The following STUM variants were observed in gnomAD, a reference collection of about 807,000 sequenced individuals.
STUM encodes the protein protein stum homolog.
A neutral mutation model predicts 15.3 loss-of-function variants in STUM; 8 were observed. That is an observed-to-expected ratio of 0.52 (90% CI 0.31 to 0.94). The LOEUF is 0.94. Ranked by LOEUF, STUM falls within the 40% of genes least tolerant of loss-of-function variation. The probability of loss-of-function intolerance (pLI) is 0.05; values close to 1 mark genes in which losing one functional copy is unlikely to be tolerated. For missense variants in STUM, 142 were observed against 204.9 expected (o/e 0.69, Z 1.87); for synonymous variants, 78 against 88.7 (o/e 0.88, Z 0.68).
rs1038670099 is a variant in STUM at position 226,550,714 on chromosome 1, T to C, written c.202+1608T>C. Among the ~76,000 whole-genome samples, 13 of 152,218 alleles carry C rather than the reference T, an allele frequency of 8.5e-5. 1 individual carries two copies. The highest frequency in any genetic ancestry group is 3.1e-4 in the African/African-American group (13 of 41,518). The stretch of plus-strand genomic sequence containing the variant: ...GTCACTGCTGCACGAGGAAACCACC[T>C]TGTGGGAGACCAGCCCCAGGAGACA... On this transcript the variant is annotated intron_variant, in intron 1 of 3. Coordinates refer to ENST00000366788, the MANE Select transcript of STUM (RefSeq NM_001003665.4).
Position 226,548,950 on chromosome 1 carries a change from G to A in STUM, c.46G>A (p.Ala16Thr). The A allele has an allele frequency of 1.4e-6, 2 of 1,463,674 alleles. No homozygotes were observed. The highest frequency in any genetic ancestry group is 1.4e-5 in the South Asian group (1 of 73,596). The allele number at this position is 1,463,674 out of a possible 1,614,324, so 90.7% of individuals were successfully genotyped here. A position where few individuals can be genotyped will look rare whatever the true frequency, so the allele number is the denominator to read the frequency against. The change falls in exon 1 of 4, where the codon GCG becomes ACG. Residue 16 changes from alanine to threonine, a missense_variant. This residue lies in a region of STUM where 113 missense variants were observed against 134.4 expected (regional missense o/e 0.84). Transcript: ENST00000366788. Reference protein sequence around the residue: ...KDAETAAAAAAVAAADPRGAS... With the variant: ...KDAETAAAAATVAAADPRGAS... ...CGCCGAGACGGCGGCGGCGGCGGCG[G>A]CGGTGGCGGCGGCGGACCCCCGGGG...
chr1:226,559,756 G>T (rs993072200), intron 1 of STUM, among the ~76,000 whole-genome samples: 4 of 152,186 alleles, frequency 2.6e-5, no homozygotes, highest in Admixed American at 1.3e-4. Flanking sequence ...GGAGGATCAC[G>T]AGGTCAGGAG....
chr1:226,565,863 A>T lies in STUM; in HGVS notation c.202+16757A>T, dbSNP rs184954922. ...AGCATCGCTGCCTTCCCGGAATGTC[A>T]TCTCCCTCTTTCACCTGGAGCCTTC... On this transcript the variant is annotated intron_variant, in intron 1 of 3. Transcript: ENST00000366788. The surrounding 1 kb of genome is among the most constrained non-coding windows in gnomAD (Gnocchi z 4.4). Among the ~76,000 whole-genome samples, 2 of 152,144 alleles carry T rather than the reference A, an allele frequency of 1.3e-5. No individual in the cohort carries two copies. Among genetic ancestry groups the T allele is most frequent in the African/African-American group, 2.4e-5 (1 of 41,428 alleles).
intron 2 of STUM, among the ~76,000 whole-genome samples, chr1:226,598,619 G>A (rs1668218861): frequency 6.6e-6 from 1 of 152,178 alleles, no homozygotes; most frequent in Non-Finnish European, 1.5e-5. Flanking sequence ...GTGCAGATGG[G>A]GATCCAGTCA....
rs201237087 is a variant in STUM at position 226,553,916 on chromosome 1, AGAGAG to A, written c.202+4811_202+4815del. On this transcript the variant is annotated intron_variant, in intron 1 of 3. Coordinates refer to ENST00000366788, the MANE Select transcript of STUM (RefSeq NM_001003665.4). ...ATAAAAGAAGTTGGAAAGTAGAAGA[AGAGAG>A]AAGAGGAACTGTGATAGATTAAATT... 4.7e-3 allele frequency among the ~76,000 whole-genome samples: 716 copies of A among 152,368 alleles called. 1 individual carries two copies. The highest frequency in any genetic ancestry group is 7.7e-3 in the Admixed American group (118 of 15,308).
chr1:226,586,899 GC>G (rs1401311817), intron 1 of STUM, among the ~76,000 whole-genome samples: 1 of 152,154 alleles, frequency 6.6e-6, no homozygotes, highest in Non-Finnish European at 1.5e-5. Flanking sequence ...GGGCTCCCCT[GC>G]CCTGGCCATT....
intron 1 of STUM, among the ~76,000 whole-genome samples, chr1:226,572,883 A>G (rs1667740795): frequency 6.6e-6 from 1 of 152,192 alleles, no homozygotes; most frequent in Non-Finnish European, 1.5e-5. Flanking sequence ...CTCTCATTTT[A>G]CAGACATGGG....
rs564940871 is a variant in STUM, at chr1:226,561,716, G to A, written c.202+12610G>A. ...AACCTTGTTAATAAAGATTGGTTTG[G>A]TCAATAACCATCAAATCTAAGTCTA... On this transcript the variant is annotated intron_variant, in intron 1 of 3. Transcript: ENST00000366788. Among the ~76,000 whole-genome samples the A allele has an allele frequency of 3.9e-5, 6 of 152,252 alleles. No individual in the cohort carries two copies. In the South Asian group the frequency reaches 6.2e-4, roughly 16 times the overall value.
chr1:226,604,193 G>A lies in STUM; in HGVS notation c.*2153G>A, dbSNP rs555368978. 5 of 152,294 alleles carry A rather than the reference G, an allele frequency of 3.3e-5. No homozygotes were observed. The highest frequency in any genetic ancestry group is 5.9e-5 in the Non-Finnish European group (4 of 68,044). The allele number at this position is 152,294 out of a possible 1,614,324, so 9.4% of individuals were successfully genotyped here. A position where few individuals can be genotyped will look rare whatever the true frequency, so the allele number is the denominator to read the frequency against. On this transcript the variant is annotated 3_prime_UTR_variant, in exon 4 of 4. Coordinates refer to ENST00000366788, the MANE Select transcript of STUM (RefSeq NM_001003665.4). The surrounding 1 kb of genome is among the most constrained non-coding windows in gnomAD (Gnocchi z 4.7). The stretch of plus-strand genomic sequence containing the variant: ...TATTTTCCCCGCTTGGGCTGGGGGC[G>A]GCTGCTGAGGGGGTGAAGAAGAGAT...
At chr1:226,576,581 C>G (rs1227101392) in intron 1 of STUM, among the ~76,000 whole-genome samples, 1 of 152,082 alleles carries the variant, frequency 6.6e-6, no homozygotes, top group Non-Finnish European at 1.5e-5. Context: ...ATGTGCATAA[C>G]GTAATATTTA....
At chr1:226,570,018 C>T (rs959074947) in intron 1 of STUM, among the ~76,000 whole-genome samples, 1 of 152,204 alleles carries the variant, frequency 6.6e-6, no homozygotes, top group African/African-American at 2.4e-5. Flanking sequence ...TGCCACACAT[C>T]AGGGCTCCTC....
intron 1 of STUM, among the ~76,000 whole-genome samples, chr1:226,580,290 G>A (rs1032010501): frequency 1.3e-5 from 2 of 152,110 alleles, no homozygotes; most frequent in Non-Finnish European, 2.9e-5. Flanking sequence ...TCTTGTACTT[G>A]TTTTTGAGAG....
Position 226,597,105 on chromosome 1 carries a change from C to T in STUM, c.382+124C>T, listed in dbSNP as rs1012785208. 24 of 942,336 alleles carry T rather than the reference C, an allele frequency of 2.5e-5. No individual in the cohort carries two copies. In the African/African-American group the frequency reaches 3.4e-4, roughly 13 times the overall value. 58.4% of individuals were successfully genotyped at this position (942,336 alleles called of 1,614,324 possible). On this transcript the variant is annotated intron_variant, in intron 2 of 3. Transcript: ENST00000366788. ...CGCTAAGCACGGGCTCTGGAGAGGG[C>T]TTGCCCGTGTCCTCTTCACAACTCC...
chr1:226,584,090 C>G (rs747933674), intron 1 of STUM, among the ~76,000 whole-genome samples: 2 of 152,106 alleles, frequency 1.3e-5, no homozygotes, highest in South Asian at 2.1e-4. Context: ...TGTCTCTGCT[C>G]CATGATGTGT....
chr1:226,559,219 G>T (rs1028924525), intron 1 of STUM, among the ~76,000 whole-genome samples: 6 of 152,196 alleles, frequency 3.9e-5, no homozygotes, highest in Admixed American at 3.3e-4. Flanking sequence ...TGTGTGAGAA[G>T]TTTGACCCTG....
intron 1 of STUM, among the ~76,000 whole-genome samples, chr1:226,584,187 G>C (rs141955023): frequency 1.4e-3 from 212 of 152,332 alleles, no homozygotes; most frequent in Admixed American, 1.8e-3. Context: ...TCACATGTCT[G>C]GTAGCTGAAA....
intron 1 of STUM, among the ~76,000 whole-genome samples, chr1:226,577,075 A>G (rs994265813): frequency 2.6e-5 from 4 of 152,192 alleles, no homozygotes; most frequent in African/African-American, 9.6e-5. Flanking sequence ...TCTTATTTTC[A>G]GGTGAGGAAA....
In STUM at chr1:226,548,900, C is replaced by A; in HGVS notation, c.-5C>A. On this transcript the variant is annotated 5_prime_UTR_variant, in exon 1 of 4. Coordinates refer to ENST00000366788, the MANE Select transcript of STUM (RefSeq NM_001003665.4). ...CTGCCCGGCTGCCTGAGAGCGCGCC[C>A]GGCCATGGAGCCCTCGCACAAAGAC... The A allele has an allele frequency of 7.3e-7, 1 of 1,369,122 alleles. No individual in the cohort carries two copies. The highest frequency in any genetic ancestry group is 9.3e-7 in the Non-Finnish European group (1 of 1,070,312). 84.8% of individuals were successfully genotyped at this position (1,369,122 alleles called of 1,614,324 possible). A position where few individuals can be genotyped will look rare whatever the true frequency, so the allele number is the denominator to read the frequency against.
chr1:226,579,101 T>C (rs7534470), intron 1 of STUM, among the ~76,000 whole-genome samples: 2,914 of 152,290 alleles, frequency 0.019, 109 homozygotes, highest in African/African-American at 0.065. Flanking sequence ...GCCTGGCCCA[T>C]CCCAGTGCCA....
Sources: allele counts gnomAD v4.1 joint callset (sites outside exome capture counted in the v4.1 genomes callset), GRCh38; gene constraint gnomAD v4.1.1; regional missense constraint gnomAD v4.1.1; non-coding constraint Gnocchi (gnomAD v3.1); transcripts MANE v1.5; gene names NCBI Gene and HGNC (gene_info 2026-07-23, HGNC 2026-07-21).